STAB2: variants seen among roughly 807,000 people sequenced by gnomAD.
STAB2 encodes the protein stabilin-2.
In STAB2, 288 loss-of-function variants were observed where a neutral mutation model predicts 338.1. The observed-to-expected ratio is 0.85, with a 90% confidence interval of 0.77 to 0.94. The LOEUF is 0.94. Ranked by LOEUF, STAB2 falls within the 40% of genes least tolerant of loss-of-function variation. The pLI is 0.00. For missense variants in STAB2, 3,141 were observed against 3,210.1 expected (o/e 0.98, Z 0.52); for synonymous variants, 1,202 against 1,193.3 (o/e 1.01, Z -0.15).
chr12:103,638,156 A>C lies in STAB2; in HGVS notation c.850A>C (p.Asn284His). The change falls in exon 8 of 69, where the codon AAC (asparagine) becomes CAC (histidine). Residue 284 changes from asparagine (N) to histidine (H), a missense_variant. Coordinates refer to ENST00000388887, the MANE Select transcript of STAB2 (RefSeq NM_017564.10). ...VCLPVDPCQI[N>H]FGNCPTKSTV... ...CTTGCCTGTGGACCCCTGCCAAATT[A>C]ACTTTGGAAACTGCCCTACAAAGTC... is the stretch of plus-strand genomic sequence containing the variant. 1 of 1,614,230 alleles carries C rather than the reference A, an allele frequency of 6.2e-7. No homozygotes were observed. The highest frequency in any genetic ancestry group is 1.3e-5 in the African/African-American group (1 of 75,072).
chr12:103,656,205 G>A (rs1294352702), intron 15 of STAB2, among the ~76,000 whole-genome samples: 1 of 152,214 alleles, frequency 6.6e-6, no homozygotes, highest in Non-Finnish European at 1.5e-5. Flanking sequence ...GCCTATTGTG[G>A]AATTTTGTTC....
At chr12:103,626,951 C>T (rs985308078) in intron 5 of STAB2, among the ~76,000 whole-genome samples, 1 of 152,222 alleles carries the variant, frequency 6.6e-6, no homozygotes, top group African/African-American at 2.4e-5. Context: ...TTTTCTCTAA[C>T]ATGATCCCCA....
chr12:103,646,247 C>T (rs559509829), intron 9 of STAB2, among the ~76,000 whole-genome samples: 37 of 152,308 alleles, frequency 2.4e-4, no homozygotes, highest in Non-Finnish European at 4.6e-4. Context: ...TAGAAGCTGT[C>T]CCCTATTTCT....
rs149929067 is a variant in STAB2 at position 103,640,208 on chromosome 12, C to T, written c.992C>T (p.Pro331Leu). ...SMTDICKSDN[P>L]CHRNANCTTV... is the part of the protein sequence containing the mutation. Reference sequence around the variant, plus strand: ...ACTGATATATGTAAATCAGATAACCCGTGTCATAGGAATGCAAATTGCACC... The same window carrying T: ...ACTGATATATGTAAATCAGATAACCTGTGTCATAGGAATGCAAATTGCACC... The change falls in exon 9 of 69, where the codon CCG (proline) becomes CTG (leucine). Residue 331 changes from proline to leucine, a missense_variant. Coordinates refer to ENST00000388887, the MANE Select transcript of STAB2 (RefSeq NM_017564.10). 30 of 1,613,534 alleles carry T rather than the reference C, an allele frequency of 1.9e-5. No individual in the cohort carries two copies. Among genetic ancestry groups the T allele is most frequent in the Middle Eastern group, 1.6e-4 (1 of 6,080 alleles).
At chr12:103,620,187 A>G (rs192425759) in intron 3 of STAB2, among the ~76,000 whole-genome samples, 73 of 152,352 alleles carry the variant, frequency 4.8e-4, no homozygotes, top group Non-Finnish European at 8.4e-4. Flanking sequence ...CCACCCCTGA[A>G]GGTTGCAATA....
chr12:103,690,590 T>C, intron 30 of STAB2, 52 bp downstream of exon 30: 1 of 1,495,026 alleles, frequency 6.7e-7, no homozygotes, highest in Middle Eastern at 1.8e-4. Context: ...GCTTTGTTTA[T>C]ATTGTACTTT....
intron 18 of STAB2, 22 bp from the exon 19 acceptor site, chr12:103,666,269 G>T (rs1875089442): frequency 6.2e-7 from 1 of 1,613,290 alleles, no homozygotes; most frequent in South Asian, 1.1e-5. Context: ...CACCTGCACT[G>T]ACCTCCTGTC....
intron 15 of STAB2, among the ~76,000 whole-genome samples, chr12:103,657,343 A>C (rs1195294938): frequency 6.6e-6 from 1 of 152,150 alleles, no homozygotes; most frequent in African/African-American, 2.4e-5. Flanking sequence ...TAATAATAAT[A>C]ATAATAAAGG....
intron 9 of STAB2, among the ~76,000 whole-genome samples, chr12:103,641,465 G>A (rs1440364200): frequency 6.6e-6 from 1 of 152,126 alleles, no homozygotes; most frequent in African/African-American, 2.4e-5. Flanking sequence ...AGAAGAAGAT[G>A]GCACCTAGAA....
intron 33 of STAB2, among the ~76,000 whole-genome samples, chr12:103,697,056 G>T (rs1878469389): frequency 6.6e-6 from 1 of 152,166 alleles, no homozygotes; most frequent in African/African-American, 2.4e-5. Context: ...AAGGAAGGCT[G>T]CTCTTCTTCC....
At chr12:103,739,390 T>G (rs1203698026) in intron 53 of STAB2, 22 bp from the exon 54 acceptor site, 6 of 1,560,520 alleles carry the variant, frequency 3.8e-6, no homozygotes, top group Non-Finnish European at 5.2e-6. Context: ...GGTTTTCAAG[T>G]GTTTCTTTTC....
intron 3 of STAB2, among the ~76,000 whole-genome samples, chr12:103,599,228 C>T (rs1206542024): frequency 6.6e-6 from 1 of 152,216 alleles, no homozygotes; most frequent in African/African-American, 2.4e-5. Flanking sequence ...AGTCCCTGGT[C>T]TCTTGTGGGG....
At chr12:103,631,541 G>A in intron 5 of STAB2, 57 bp from the exon 6 acceptor site, 1 of 1,525,366 alleles carries the variant, frequency 6.6e-7, no homozygotes, top group Admixed American at 1.7e-5. Flanking sequence ...TAGCTTTCCA[G>A]AATGTTTAGC....
intron 55 of STAB2, 108 bp from the exon 56 acceptor site, chr12:103,742,297 T>C: frequency 6.9e-7 from 1 of 1,444,822 alleles, no homozygotes; most frequent in Non-Finnish European, 9.4e-7. Context: ...CTGAAGGCGA[T>C]GGTCCCTCTG....
At chr12:103,615,182 T>C (rs931203841) in intron 3 of STAB2, among the ~76,000 whole-genome samples, 9 of 152,194 alleles carry the variant, frequency 5.9e-5, no homozygotes, top group Admixed American at 2.0e-4. Context: ...AGGCTGTCTA[T>C]GCCCTGGCAT....
intron 6 of STAB2, among the ~76,000 whole-genome samples, chr12:103,634,371 T>C (rs747586857): frequency 1.1e-4 from 17 of 152,188 alleles, no homozygotes; most frequent in Non-Finnish European, 1.8e-4. Context: ...TTTGCAAAGG[T>C]ACATTTTCAG....
intron 3 of STAB2, among the ~76,000 whole-genome samples, chr12:103,613,532 G>A (rs369219268): frequency 6.6e-6 from 1 of 152,264 alleles, no homozygotes; most frequent in East Asian, 1.9e-4. Context: ...TAAGACCACT[G>A]GAAAAGCGCA....
At chr12:103,690,386 T>C (rs1173649724) in intron 29 of STAB2, 38 bp from the exon 30 acceptor site, 1 of 1,522,552 alleles carries the variant, frequency 6.6e-7, no homozygotes. Context: ...CCCCATACAT[T>C]TATATTGAAT....
At chr12:103,621,894 A>T in intron 4 of STAB2, 148 bp from the exon 5 acceptor site, 2 of 694,592 alleles carry the variant, frequency 2.9e-6, no homozygotes, top group Non-Finnish European at 2.5e-6. Flanking sequence ...ATGCAATGAT[A>T]ACACAAATAA....
Sources: allele counts gnomAD v4.1 joint callset (sites outside exome capture counted in the v4.1 genomes callset), GRCh38; gene constraint gnomAD v4.1.1; transcripts MANE v1.5; gene names NCBI Gene and HGNC (gene_info 2026-07-23, HGNC 2026-07-21).